ST6GALNAC3: variants seen among roughly 807,000 people sequenced by gnomAD.
ST6GALNAC3 encodes ST6 N-acetylgalactosaminide alpha-2,6-sialyltransferase 3, also known as alpha-N-acetylgalactosaminide alpha-2,6-sialyltransferase 3.
Under a neutral mutation model 32.7 loss-of-function variants are expected in ST6GALNAC3, and 25 were observed. The observed-to-expected ratio is 0.76, with a 90% CI of 0.56 to 1.07. The LOEUF (loss-of-function observed/expected upper bound fraction) is 1.07, where lower values mean the gene tolerates loss of function less well. Ranked by LOEUF, ST6GALNAC3 falls within the 50% of genes least tolerant of loss-of-function variation. The pLI is 0.00. For missense variants in ST6GALNAC3, 355 were observed against 382.4 expected, an observed-to-expected ratio of 0.93 and a Z score of 0.60; for synonymous variants, 129 against 133.1, an observed-to-expected ratio of 0.97 and a Z score of 0.21.
intron 1 of ST6GALNAC3, among the ~76,000 whole-genome samples, chr1:76,299,156 A>G (rs1007445415): frequency 3.9e-5 from 6 of 152,080 alleles, no homozygotes; most frequent in Admixed American, 2.0e-4. Flanking sequence ...AATGTAAATT[A>G]TGTGTTTTCG....
intron 1 of ST6GALNAC3, among the ~76,000 whole-genome samples, chr1:76,128,930 A>G (rs1649429194): frequency 6.6e-6 from 1 of 152,214 alleles, no homozygotes; most frequent in African/African-American, 2.4e-5. Context: ...TACACACAGC[A>G]AGATACGTTG....
chr1:76,173,811 G>A (rs1302282107), intron 1 of ST6GALNAC3, among the ~76,000 whole-genome samples: 2 of 152,150 alleles, frequency 1.3e-5, no homozygotes, highest in African/African-American at 4.8e-5. Context: ...AGTCAGAATG[G>A]CTATTATTAA....
intron 2 of ST6GALNAC3, among the ~76,000 whole-genome samples, chr1:76,407,561 G>T (rs1426295636): frequency 6.6e-6 from 1 of 151,918 alleles, no homozygotes; most frequent in Non-Finnish European, 1.5e-5. Context: ...GAATATTTGT[G>T]GTGCTCTCAG....
At chr1:76,410,413 C>T (rs1297463784) in intron 2 of ST6GALNAC3, among the ~76,000 whole-genome samples, 1 of 152,010 alleles carries the variant, frequency 6.6e-6, no homozygotes, top group Non-Finnish European at 1.5e-5. Context: ...TTTCTGGTTA[C>T]TCCACCAACT....
At chr1:76,504,349 G>C (rs1661347553) in intron 3 of ST6GALNAC3, among the ~76,000 whole-genome samples, 1 of 151,892 alleles carries the variant, frequency 6.6e-6, no homozygotes, top group Non-Finnish European at 1.5e-5. Flanking sequence ...CCTAATCCAG[G>C]GTTATATCAT....
At chr1:76,604,346 G>A (rs775537810) in intron 3 of ST6GALNAC3, among the ~76,000 whole-genome samples, 2 of 152,098 alleles carry the variant, frequency 1.3e-5, no homozygotes, top group African/African-American at 4.8e-5. Flanking sequence ...CACCTAATAT[G>A]GCTGCTAGAT....
At chr1:76,428,108 A>G (rs1350243333) in intron 3 of ST6GALNAC3, among the ~76,000 whole-genome samples, 1 of 152,080 alleles carries the variant, frequency 6.6e-6, no homozygotes, top group Non-Finnish European at 1.5e-5. Flanking sequence ...CATAATCGCT[A>G]TCCAATCACA....
chr1:76,631,788 T>A lies in ST6GALNAC3; in HGVS notation c.*2982T>A, dbSNP rs1223526016. ...GAAATTGGCATGAAAACATTCAAGA[T>A]AAAAATAATAGACTAAACATTATTT... On this transcript the variant is annotated 3_prime_UTR_variant, in exon 5 of 5. Coordinates refer to ENST00000328299, the MANE Select transcript of ST6GALNAC3 (RefSeq NM_152996.4). 1 of 152,028 alleles carries A rather than the reference T, an allele frequency of 6.6e-6. No homozygotes were observed. The highest frequency in any genetic ancestry group is 2.4e-5 in the African/African-American group (1 of 41,402). 9.4% of individuals were successfully genotyped at this position (152,028 alleles called of 1,614,324 possible).
chr1:76,079,501 A>G (rs1170512292), intron 1 of ST6GALNAC3, among the ~76,000 whole-genome samples: 5 of 152,222 alleles, frequency 3.3e-5, no homozygotes, highest in African/African-American at 9.6e-5. Context: ...GGACATGTAG[A>G]CACAAGATCC....
chr1:76,199,144 G>A (rs1384164853), intron 1 of ST6GALNAC3, among the ~76,000 whole-genome samples: 1 of 152,122 alleles, frequency 6.6e-6, no homozygotes, highest in African/African-American at 2.4e-5. Context: ...TGCTCATTAG[G>A]GTTCTTCTGA....
intron 3 of ST6GALNAC3, among the ~76,000 whole-genome samples, chr1:76,508,443 A>G (rs1661619256): frequency 6.6e-6 from 1 of 152,140 alleles, no homozygotes; most frequent in South Asian, 2.1e-4. Context: ...TAGTTATATA[A>G]TGACAGGAAA....
intron 1 of ST6GALNAC3, among the ~76,000 whole-genome samples, chr1:76,187,535 C>T (rs1653631591): frequency 6.6e-6 from 1 of 152,146 alleles, no homozygotes; most frequent in African/African-American, 2.4e-5. Context: ...ATTCAGGCAG[C>T]TATGTTTACT....
intron 3 of ST6GALNAC3, among the ~76,000 whole-genome samples, chr1:76,560,363 A>G (rs1196168839): frequency 6.6e-6 from 1 of 152,184 alleles, no homozygotes; most frequent in Non-Finnish European, 1.5e-5. Flanking sequence ...AGCTCTGCAC[A>G]GCAAAAGAAA....
intron 3 of ST6GALNAC3, among the ~76,000 whole-genome samples, chr1:76,591,668 T>C (rs1179550385): frequency 6.6e-6 from 1 of 152,120 alleles, no homozygotes; most frequent in African/African-American, 2.4e-5. Flanking sequence ...AAGACACATA[T>C]TTGTATTATG....
intron 1 of ST6GALNAC3, among the ~76,000 whole-genome samples, chr1:76,190,008 G>C (rs570754303): frequency 6.6e-6 from 1 of 152,244 alleles, no homozygotes; most frequent in African/African-American, 2.4e-5. Context: ...TTGTCAGATG[G>C]ATACTGTTTT....
At chr1:76,084,748 T>C (rs2100731767) in intron 1 of ST6GALNAC3, among the ~76,000 whole-genome samples, 1 of 149,952 alleles carries the variant, frequency 6.7e-6, no homozygotes, top group South Asian at 2.1e-4. Flanking sequence ...CACATTTGCA[T>C]TGTATTCCTG....
chr1:76,176,600 T>G (rs901106132), intron 1 of ST6GALNAC3, among the ~76,000 whole-genome samples: 2 of 152,198 alleles, frequency 1.3e-5, no homozygotes, highest in African/African-American at 4.8e-5. Context: ...ACCTGAGGAT[T>G]AAACATGACT....
chr1:76,303,395 C>A (rs1463380833), intron 1 of ST6GALNAC3, among the ~76,000 whole-genome samples: 1 of 151,996 alleles, frequency 6.6e-6, no homozygotes, highest in East Asian at 1.9e-4. Context: ...TAGGGTTTTT[C>A]TTTCAATTTA....
intron 3 of ST6GALNAC3, among the ~76,000 whole-genome samples, chr1:76,530,414 T>C (rs1206998581): frequency 6.6e-6 from 1 of 152,204 alleles, no homozygotes; most frequent in Non-Finnish European, 1.5e-5. Context: ...TTCATTATAC[T>C]TGAAAAATGT....
Sources: gnomAD v4.1 joint callset for allele counts (sites outside exome capture counted in the v4.1 genomes callset) on GRCh38, gnomAD v4.1.1 for gene constraint, MANE v1.5 for transcripts, NCBI Gene and HGNC (gene_info 2026-07-23, HGNC 2026-07-21) for gene names.